Variants in GNB5 observed in about 807,000 individuals in gnomAD.
GNB5 encodes G protein subunit beta 5.
A neutral mutation model predicts 55.3 loss-of-function variants in GNB5; 37 were observed. That is an observed-to-expected ratio of 0.67 (90% CI 0.51 to 0.88). The LOEUF (loss-of-function observed/expected upper bound fraction) is 0.88, where lower values mean the gene tolerates loss of function less well. Ranked by LOEUF, GNB5 falls within the 40% of genes least tolerant of loss-of-function variation. The pLI is 0.00. For missense variants in GNB5, 476 were observed against 515.3 expected (o/e 0.92, Z 0.74); for synonymous variants, 219 against 198.5 (o/e 1.10, Z -0.87).
In GNB5 at chr15:52,124,617, G is replaced by C. The variant is rs749597091; in HGVS notation, c.1032C>G (p.Tyr344Ter). ...CCCAGACGTTGATAGTGTAATCATT[G>C]TATCCAGCAAACAGCAGGCGACCTT... ...SLSGRLLFAGYNDYTINVWDV... is the reference protein window; with the variant it reads ...SLSGRLLFAG Residue 344 changes from tyrosine to a stop codon, truncating the protein, a stop_gained, in exon 12 of 13, where the codon TAC becomes TAG. Coordinates refer to ENST00000261837, the MANE Select transcript of GNB5 (RefSeq NM_016194.4). LOFTEE classifies it high-confidence loss of function. The C allele has an allele frequency of 6.2e-6, 10 of 1,613,984 alleles. No homozygotes were observed. The South Asian group carries it at 1.1e-4, about 18-fold the overall frequency.
chr15:52,160,476 A>G (rs1259701000), intron 3 of GNB5, among the ~76,000 whole-genome samples: 5 of 152,214 alleles, frequency 3.3e-5, no homozygotes, highest in African/African-American at 1.2e-4. Flanking sequence ...TTTGAAATGG[A>G]GGAGCCATGA....
chr15:52,147,164 T>G, intron 6 of GNB5: 1 of 256,670 alleles, frequency 3.9e-6, no homozygotes, highest in Non-Finnish European at 7.5e-6. Flanking sequence ...TTTTATGGTT[T>G]TGTTTTTTTT....
At chr15:52,130,453 GTA>G (rs2033546618) in intron 9 of GNB5, among the ~76,000 whole-genome samples, 1 of 152,286 alleles carries the variant, frequency 6.6e-6, no homozygotes, top group Non-Finnish European at 1.5e-5. Context: ...TGCATTCACT[GTA>G]TATAGAAAAA....
intron 2 of GNB5, among the ~76,000 whole-genome samples, chr15:52,181,374 G>A (rs1408712422): frequency 6.6e-6 from 1 of 152,124 alleles, no homozygotes; most frequent in East Asian, 1.9e-4. Flanking sequence ...CCAACACTTC[G>A]GGAGGCCAAG....
At chr15:52,176,620 G>A (rs2141236742) in intron 3 of GNB5, among the ~76,000 whole-genome samples, 1 of 152,306 alleles carries the variant, frequency 6.6e-6, no homozygotes, top group East Asian at 1.9e-4. Flanking sequence ...TCCACCTTCA[G>A]CTGTAACTTC....
chr15:52,160,462 G>A (rs2034308565), intron 3 of GNB5, among the ~76,000 whole-genome samples: 1 of 152,164 alleles, frequency 6.6e-6, no homozygotes, highest in Non-Finnish European at 1.5e-5. Flanking sequence ...AGAGCAACGG[G>A]GCTTTTGAAA....
At chr15:52,142,076 A>G (rs1379264016) in intron 6 of GNB5, among the ~76,000 whole-genome samples, 1 of 152,244 alleles carries the variant, frequency 6.6e-6, no homozygotes, top group Admixed American at 6.5e-5. Flanking sequence ...AAAGTACTGT[A>G]GAACATTTTG....
At position 52,117,102 on chromosome 15, in the gene GNB5, A is replaced by ATATTTT; in HGVS notation, c.*5654_*5655insAAAATA. ...CCACGCCCAGCTAATATATATATAT[A>ATATTTT]TTTTTTTTTAGTACAGACAGGGTTT... is the stretch of plus-strand genomic sequence containing the variant. On this transcript the variant is annotated 3_prime_UTR_variant, in exon 13 of 13. Coordinates refer to ENST00000261837, the MANE Select transcript of GNB5 (RefSeq NM_016194.4). 1.8e-4 allele frequency: 16 copies of ATATTTT among 87,102 alleles called. 2 individuals carry two copies. The highest frequency in any genetic ancestry group is 3.5e-4 in the Non-Finnish European group (16 of 46,204). The allele number at this position is 87,102 out of a possible 1,614,324, so 5.4% of individuals were successfully genotyped here. A position where few individuals can be genotyped will look rare whatever the true frequency, so the allele number is the denominator to read the frequency against.
intron 3 of GNB5, among the ~76,000 whole-genome samples, chr15:52,179,509 C>T (rs1382398643): frequency 6.6e-6 from 1 of 151,976 alleles, no homozygotes. Context: ...ATAGCTAGTC[C>T]CGCGGTCCTC....
intron 1 of GNB5, among the ~76,000 whole-genome samples, chr15:52,188,963 C>T (rs981467687): frequency 1.3e-5 from 2 of 152,228 alleles, no homozygotes; most frequent in Admixed American, 1.3e-4. Context: ...TTGCTTTCTT[C>T]ATCTAACTTA....
intron 6 of GNB5, among the ~76,000 whole-genome samples, chr15:52,143,178 A>G (rs1023271719): frequency 1.3e-5 from 2 of 151,666 alleles, no homozygotes; most frequent in Non-Finnish European, 2.9e-5. Flanking sequence ...AAAAAAAAAA[A>G]CAGAATGTGT....
At chr15:52,190,809 A>C (rs888087023) in intron 1 of GNB5, among the ~76,000 whole-genome samples, 4 of 59,762 alleles carry the variant, frequency 6.7e-5, no homozygotes, top group South Asian at 1.2e-3. Context: ...AAAAAAAAAA[A>C]AAAAAAAAAC....
intron 1 of GNB5, among the ~76,000 whole-genome samples, chr15:52,185,414 A>G (rs573162021): frequency 1.3e-5 from 2 of 152,376 alleles, no homozygotes; most frequent in South Asian, 2.1e-4. Context: ...CAAGAGAATG[A>G]TAAGAGTCAG....
intron 3 of GNB5, among the ~76,000 whole-genome samples, chr15:52,171,093 CAAAAAAA>C (rs58181494): frequency 5.9e-4 from 43 of 72,638 alleles, no homozygotes; most frequent in Admixed American, 1.2e-3. Context: ...ACTCTATCTC[CAAAAAAA>C]AAAAAAAAAA....
At chr15:52,131,652 C>A (rs1358163518) in intron 9 of GNB5, among the ~76,000 whole-genome samples, 1 of 152,128 alleles carries the variant, frequency 6.6e-6, no homozygotes, top group Non-Finnish European at 1.5e-5. Flanking sequence ...GTAATTACTG[C>A]ACAGTTACAA....
chr15:52,171,740 T>C (rs2034558601), intron 3 of GNB5, among the ~76,000 whole-genome samples: 2 of 152,244 alleles, frequency 1.3e-5, no homozygotes, highest in Non-Finnish European at 2.9e-5. Flanking sequence ...AAAGTTGGTT[T>C]TCCTAGATTT....
intron 3 of GNB5, among the ~76,000 whole-genome samples, chr15:52,157,964 G>A (rs2034250745): frequency 6.6e-6 from 1 of 150,756 alleles, no homozygotes; most frequent in Admixed American, 6.6e-5. Flanking sequence ...ACTTGGTTCA[G>A]GACACATGTA....
At chr15:52,176,360 A>G (rs1393295059) in intron 3 of GNB5, among the ~76,000 whole-genome samples, 1 of 152,212 alleles carries the variant, frequency 6.6e-6, no homozygotes, top group Non-Finnish European at 1.5e-5. Context: ...CGCTCATCGC[A>G]CAGATGGGGA....
chr15:52,167,493 A>T (rs1471862649), intron 3 of GNB5, among the ~76,000 whole-genome samples: 5 of 152,098 alleles, frequency 3.3e-5, no homozygotes, highest in Non-Finnish European at 5.9e-5. Context: ...AACATGGTGA[A>T]ACTCTGTCTC....
Sources: allele counts gnomAD v4.1 joint callset (sites outside exome capture counted in the v4.1 genomes callset), GRCh38; gene constraint gnomAD v4.1.1; transcripts MANE v1.5; gene names NCBI Gene and HGNC (gene_info 2026-07-23, HGNC 2026-07-21).